INPP5D: variants seen among roughly 807,000 people sequenced by gnomAD.
The protein encoded by INPP5D is phosphatidylinositol 3,4,5-trisphosphate 5-phosphatase 1.
A neutral mutation model predicts 122.9 loss-of-function variants in INPP5D; 33 were observed. That is an observed-to-expected ratio of 0.27 (90% CI 0.20 to 0.36). The LOEUF is 0.36. Ranked by LOEUF, INPP5D falls within the 10% of genes least tolerant of loss-of-function variation. The probability of loss-of-function intolerance (pLI) is 1.00; values close to 1 mark genes in which losing one functional copy is unlikely to be tolerated. For synonymous variants in INPP5D, 584 were observed against 576.2 expected, an observed-to-expected ratio of 1.01 and a Z score of -0.19; for missense variants, 1,053 against 1,412.7, an observed-to-expected ratio of 0.75 and a Z score of 4.08.
intron 2 of INPP5D, among the ~76,000 whole-genome samples, chr2:233,109,178 C>T (rs1313082846): frequency 6.6e-6 from 1 of 152,224 alleles, no homozygotes; most frequent in Non-Finnish European, 1.5e-5. Flanking sequence ...CTTTGCCATG[C>T]CAATGCACAG....
chr2:233,148,686 G>A (rs539976676), intron 9 of INPP5D, among the ~76,000 whole-genome samples: 2 of 152,204 alleles, frequency 1.3e-5, no homozygotes, highest in South Asian at 2.1e-4. Flanking sequence ...GGCTGATGGC[G>A]AATGGACATC....
intron 18 of INPP5D, among the ~76,000 whole-genome samples, chr2:233,179,436 C>T (rs1694728674): frequency 6.6e-6 from 1 of 152,228 alleles, no homozygotes. Flanking sequence ...TGTAGAATTA[C>T]CACTTACTGT....
intron 9 of INPP5D, among the ~76,000 whole-genome samples, chr2:233,157,004 C>A (rs142110920): frequency 0.021 from 3,244 of 152,240 alleles, 116 homozygotes; most frequent in African/African-American, 0.074. Context: ...ATTGTTTCTC[C>A]AGCAATCCTG....
chr2:233,128,542 A>T lies in INPP5D; in HGVS notation c.525-1966A>T, dbSNP rs534432167. 1.0e-3 allele frequency among the ~76,000 whole-genome samples: 158 copies of T among 152,276 alleles called. 1 individual carries two copies. Among genetic ancestry groups the T allele is most frequent in the African/African-American group, 3.7e-3 (153 of 41,544 alleles). On this transcript the variant is annotated intron_variant, in intron 4 of 26. Coordinates refer to ENST00000445964, the MANE Select transcript of INPP5D (RefSeq NM_001017915.3). This position sits in a 1 kb window ranked among gnomAD's most constrained non-coding sequence, Gnocchi z 4.5. ...ACCCAAGCTGGAACACAGTGGCGCG[A>T]TCTCGGCTCACTGCAACCTCTACCT... is the stretch of plus-strand genomic sequence containing the variant.
intron 1 of INPP5D, among the ~76,000 whole-genome samples, chr2:233,068,419 C>T (rs1044905603): frequency 8.3e-4 from 126 of 151,520 alleles, no homozygotes; most frequent in African/African-American, 3.0e-3. Context: ...ACAGTGAAAC[C>T]CTGTCTCTAC....
chr2:233,094,756 G>C (rs1033562096), intron 2 of INPP5D, among the ~76,000 whole-genome samples: 2 of 152,104 alleles, frequency 1.3e-5, no homozygotes, highest in Non-Finnish European at 2.9e-5. Flanking sequence ...AGGTGATCCT[G>C]ATGCACATTA....
chr2:233,166,871 C>T (rs901336650), intron 13 of INPP5D, among the ~76,000 whole-genome samples: 3 of 151,996 alleles, frequency 2.0e-5, no homozygotes, highest in African/African-American at 7.3e-5. Flanking sequence ...GTAATCCCAG[C>T]TGCTTGGGAG....
intron 21 of INPP5D, among the ~76,000 whole-genome samples, chr2:233,186,279 G>A (rs1694911251): frequency 1.3e-5 from 2 of 152,116 alleles, no homozygotes; most frequent in Admixed American, 6.6e-5. Context: ...AACACACCTA[G>A]GACGCAACCC....
chr2:233,195,124 T>C (rs1695148985), intron 23 of INPP5D, among the ~76,000 whole-genome samples: 1 of 152,190 alleles, frequency 6.6e-6, no homozygotes, highest in Non-Finnish European at 1.5e-5. Context: ...AAAACATACT[T>C]GCCTGTTTTG....
chr2:233,155,753 GGAAA>G, intron 9 of INPP5D, among the ~76,000 whole-genome samples: 1 of 152,214 alleles, frequency 6.6e-6, no homozygotes, highest in South Asian at 2.1e-4. Context: ...AAAGAATTCA[GGAAA>G]GAGTCTCAGA....
Position 233,164,217 on chromosome 2 carries a change from G to A in INPP5D, c.1438-90G>A. 1.4e-5 allele frequency: 20 copies of A among 1,472,146 alleles called. No individual in the cohort carries two copies. The highest frequency in any genetic ancestry group is 1.8e-5 in the Non-Finnish European group (20 of 1,107,988). The allele number at this position is 1,472,146 out of a possible 1,614,324, so 91.2% of individuals were successfully genotyped here. On this transcript the variant is annotated intron_variant, in intron 12 of 26. Transcript: ENST00000445964. The surrounding 1 kb of genome is among the most constrained non-coding windows in gnomAD (Gnocchi z 4.3). ...TTACAGACAGGATACCCCATACCCA[G>A]GGGCTGCGGCTGGGGCTGGGTGTGA...
chr2:233,198,296 C>A lies in INPP5D; in HGVS notation c.2895C>A (p.Pro965=). 6.2e-7 allele frequency: 1 copy of A among 1,613,648 alleles called. No homozygotes were observed. The highest frequency in any genetic ancestry group is 1.1e-5 in the South Asian group (1 of 91,090). ...PCRGESPPTP[P]GQPPISPKKF... is the part of the protein sequence containing the mutation. ...GGGGAGAAAGTCCTCCGACACCTCC[C>A]GGCCAGCCGCCCATATCACCCAAGA... is the stretch of plus-strand genomic sequence containing the variant. The change falls in exon 25 of 27, where the codon CCC becomes CCA. Residue 965 remains proline, a synonymous_variant. Coordinates refer to ENST00000445964, the MANE Select transcript of INPP5D (RefSeq NM_001017915.3).
chr2:233,086,456 G>GGT (rs1282241459), intron 2 of INPP5D, among the ~76,000 whole-genome samples: 1 of 152,116 alleles, frequency 6.6e-6, no homozygotes, highest in Non-Finnish European at 1.5e-5. Context: ...TGGGATTACA[G>GGT]GTGTGAGCCA....
At chr2:233,130,257 C>A (rs909112724) in intron 4 of INPP5D, among the ~76,000 whole-genome samples, 1 of 152,168 alleles carries the variant, frequency 6.6e-6, no homozygotes, top group East Asian at 1.9e-4. Context: ...TTCCTCCCAG[C>A]AGCACCCAAA....
At position 233,198,185 on chromosome 2, in the gene INPP5D, C is replaced by T. The variant is rs750549014; in HGVS notation, c.2784C>T (p.His928=). 15 of 1,613,488 alleles carry T rather than the reference C, an allele frequency of 9.3e-6. No homozygotes were observed. Among genetic ancestry groups the T allele is most frequent in the East Asian group, 6.7e-5 (3 of 44,890 alleles). ...VGPFGPPMPL[H]VKQTLSPDQQ... ...CCTTTGGGCCACCAATGCCCCTGCA[C>T]GTGAAGCAGACCTTGTCCCCTGACC... Residue 928 remains histidine (H), a synonymous_variant, in exon 25 of 27, where the codon CAC becomes CAT. Coordinates refer to ENST00000445964, the MANE Select transcript of INPP5D (RefSeq NM_001017915.3).
intron 23 of INPP5D, among the ~76,000 whole-genome samples, chr2:233,194,285 A>G (rs1352199573): frequency 6.6e-6 from 1 of 152,068 alleles, no homozygotes; most frequent in Non-Finnish European, 1.5e-5. Flanking sequence ...TACCAAGCGA[A>G]CCTACGTCTT....
At chr2:233,176,829 TA>T (rs1367247651) in intron 17 of INPP5D, among the ~76,000 whole-genome samples, 1 of 150,656 alleles carries the variant, frequency 6.6e-6, no homozygotes, top group Non-Finnish European at 1.5e-5. Flanking sequence ...GGTGAATGAG[TA>T]AAGATGGGTA....
chr2:233,168,954 C>T, intron 13 of INPP5D: 1 of 266,646 alleles, frequency 3.8e-6, no homozygotes, highest in African/African-American at 2.2e-5. Flanking sequence ...CTTGAGTTCA[C>T]TGGGAGGGAG....
At chr2:233,159,535 G>A (rs1047478892) in intron 10 of INPP5D, among the ~76,000 whole-genome samples, 12 of 143,954 alleles carry the variant, frequency 8.3e-5, no homozygotes, top group Admixed American at 2.1e-4. Context: ...TCATCTCTAC[G>A]AAAAAAAAAA....
Sources: gnomAD v4.1 joint callset for allele counts (sites outside exome capture counted in the v4.1 genomes callset) on GRCh38, gnomAD v4.1.1 for gene constraint, Gnocchi (gnomAD v3.1) non-coding constraint, MANE v1.5 for transcripts, NCBI Gene and HGNC (gene_info 2026-07-23, HGNC 2026-07-21) for gene names.